Variants in STK39 observed in about 807,000 individuals in gnomAD.
The protein encoded by STK39 is STE20/SPS1-related proline-alanine-rich protein kinase.
STK39 carries 20 observed loss-of-function variants against 77.8 expected under a neutral mutation model. That is an observed-to-expected ratio of 0.26 (90% CI 0.18 to 0.37). The LOEUF (loss-of-function observed/expected upper bound fraction) is 0.37, where lower values mean the gene tolerates loss of function less well. STK39 is among the 10% of genes least tolerant of loss of function. STK39 has a pLI of 1.00. For missense variants in STK39, 479 were observed against 656.5 expected (o/e 0.73, Z 2.95); for synonymous variants, 246 against 234.1 (o/e 1.05, Z -0.47).
intron 16 of STK39, among the ~76,000 whole-genome samples, chr2:167,972,501 G>A (rs1370862261): frequency 2.6e-5 from 4 of 152,064 alleles, no homozygotes; most frequent in Non-Finnish European, 5.9e-5. Context: ...ATGGCGGCCC[G>A]GGTTCAGGGT....
In STK39 at chr2:168,221,369, T is replaced by A. The variant is rs115900196; in HGVS notation, c.208+25859A>T. On this transcript the variant is annotated intron_variant, in intron 1 of 17. Coordinates refer to ENST00000355999, the MANE Select transcript of STK39 (RefSeq NM_013233.3). ...GTCAAAAAACAAATACACACACACTTACATGTATATTCAGTTAGTGTTAGC... is the reference window on the plus strand; with the variant it reads ...GTCAAAAAACAAATACACACACACTAACATGTATATTCAGTTAGTGTTAGC... Among the ~76,000 whole-genome samples, 225 of 149,300 alleles carry A rather than the reference T, an allele frequency of 1.5e-3. 1 individual carries two copies. The highest frequency in any genetic ancestry group is 0.01 in the Middle Eastern group (3 of 294).
At chr2:168,214,266 A>AC (rs397763444) in intron 1 of STK39, among the ~76,000 whole-genome samples, 3 of 150,168 alleles carry the variant, frequency 2.0e-5, no homozygotes, top group Non-Finnish European at 4.4e-5. Flanking sequence ...CAAAAAAAAA[A>AC]CACAAGGTCC....
At position 168,102,643 on chromosome 2, in the gene STK39, T is replaced by A. The variant is rs4668015; in HGVS notation, c.1089+26898A>T. Among the ~76,000 whole-genome samples the A allele has an allele frequency of 1.6e-3, 239 of 152,102 alleles. 1 individual carries two copies. Among genetic ancestry groups the A allele is most frequent in the Admixed American group, 4.1e-3 (63 of 15,280 alleles). ...TGAATTTATACTGTTTAAAAATCTC[T>A]TCTCAGCCAGGTGCGGTGGCTCACG... On this transcript the variant is annotated intron_variant, in intron 10 of 17. Coordinates refer to ENST00000355999, the MANE Select transcript of STK39 (RefSeq NM_013233.3).
At chr2:168,044,715 G>A (rs1213801859) in intron 14 of STK39, among the ~76,000 whole-genome samples, 2 of 152,210 alleles carry the variant, frequency 1.3e-5, no homozygotes, top group East Asian at 1.9e-4. Flanking sequence ...ACCAGTGACA[G>A]CTTTTTGGGA....
At chr2:168,086,164 A>G (rs1686361461) in intron 10 of STK39, among the ~76,000 whole-genome samples, 1 of 152,184 alleles carries the variant, frequency 6.6e-6, no homozygotes. Context: ...GATTTACTGA[A>G]TGTGTTTTCA....
chr2:168,202,390 G>C (rs1258093797), intron 1 of STK39, among the ~76,000 whole-genome samples: 1 of 152,144 alleles, frequency 6.6e-6, no homozygotes, highest in East Asian at 1.9e-4. Flanking sequence ...TGTTAGTACA[G>C]ACACATTCAC....
intron 8 of STK39, among the ~76,000 whole-genome samples, chr2:168,131,174 A>G (rs1687687342): frequency 6.6e-6 from 1 of 152,264 alleles, no homozygotes; most frequent in Admixed American, 6.5e-5. Context: ...CAAATAAAAC[A>G]TAGATATCAC....
chr2:167,969,430 G>A (rs542661988), intron 16 of STK39, among the ~76,000 whole-genome samples: 4 of 152,146 alleles, frequency 2.6e-5, no homozygotes, highest in East Asian at 1.9e-4. Flanking sequence ...GTCTGGCCTC[G>A]GCCAACCGCT....
chr2:167,983,154 T>C (rs1683464935), intron 16 of STK39, among the ~76,000 whole-genome samples: 2 of 152,168 alleles, frequency 1.3e-5, no homozygotes, highest in African/African-American at 4.8e-5. Context: ...ACTCTCATTA[T>C]GGTTAGAAGA....
At chr2:167,974,752 G>C (rs950682653) in intron 16 of STK39, among the ~76,000 whole-genome samples, 3 of 152,130 alleles carry the variant, frequency 2.0e-5, no homozygotes, top group African/African-American at 7.2e-5. Flanking sequence ...CTAGAGTATA[G>C]TGTCTTTTAG....
At chr2:168,213,614 A>G (rs1034010583) in intron 1 of STK39, among the ~76,000 whole-genome samples, 9 of 149,830 alleles carry the variant, frequency 6.0e-5, no homozygotes, top group Non-Finnish European at 7.4e-5. Context: ...TGAGCCCAGG[A>G]GGTGGAGGTT....
chr2:168,077,595 T>C (rs1160531973), intron 10 of STK39, among the ~76,000 whole-genome samples: 2 of 152,162 alleles, frequency 1.3e-5, no homozygotes, highest in Admixed American at 1.3e-4. Flanking sequence ...CAAAAACCTA[T>C]GTAGGGAATA....
At chr2:168,175,966 G>C (rs796459247) in intron 2 of STK39, among the ~76,000 whole-genome samples, 22 of 152,300 alleles carry the variant, frequency 1.4e-4, no homozygotes, top group African/African-American at 5.1e-4. Context: ...ATTCAGTGAA[G>C]TAGGCTTGCA....
At chr2:167,980,217 TGGAA>T (rs570869211) in intron 16 of STK39, among the ~76,000 whole-genome samples, 14 of 152,304 alleles carry the variant, frequency 9.2e-5, no homozygotes, top group African/African-American at 3.4e-4. Flanking sequence ...CAAACACTTA[TGGAA>T]ATAAGCTTCA....
intron 1 of STK39, among the ~76,000 whole-genome samples, chr2:168,230,364 C>G (rs970780795): frequency 6.6e-5 from 10 of 152,148 alleles, no homozygotes; most frequent in African/African-American, 1.9e-4. Context: ...TAGAACACTG[C>G]TGCAGCCAAG....
rs556174564 is a variant in STK39, at chr2:167,961,233, A to G, written c.1563+3429T>C. ...TGTTGCCTTAGTCATACAGCCTCCA[A>G]TTATGCAGAAGCTAAGAACCTCTAA... is the stretch of plus-strand genomic sequence containing the variant. On this transcript the variant is annotated intron_variant, in intron 17 of 17. Transcript: ENST00000355999. Among the ~76,000 whole-genome samples the G allele has an allele frequency of 2.6e-5, 4 of 152,338 alleles. No homozygotes were observed. In the South Asian group the frequency reaches 8.3e-4, roughly 32 times the overall value.
At chr2:168,135,925 G>C (rs1030198573) in intron 8 of STK39, among the ~76,000 whole-genome samples, 5 of 151,208 alleles carry the variant, frequency 3.3e-5, no homozygotes, top group Non-Finnish European at 5.9e-5. Flanking sequence ...TTTTAAGAGA[G>C]TGGTCTCTGA....
chr2:168,196,329 T>C (rs932962462), intron 1 of STK39, among the ~76,000 whole-genome samples: 1 of 152,210 alleles, frequency 6.6e-6, no homozygotes, highest in Non-Finnish European at 1.5e-5. Context: ...TCTGCCTTCC[T>C]AGAGTTTACA....
intron 6 of STK39, 45 bp downstream of exon 6, chr2:168,140,604 G>C (rs199813803): frequency 6.9e-7 from 1 of 1,450,550 alleles, no homozygotes; most frequent in East Asian, 2.3e-5. Context: ...TGATCTGTAC[G>C]ATTGTACTAT....
Sources: allele counts gnomAD v4.1 joint callset (sites outside exome capture counted in the v4.1 genomes callset), GRCh38; gene constraint gnomAD v4.1.1; transcripts MANE v1.5; gene names NCBI Gene and HGNC (gene_info 2026-07-23, HGNC 2026-07-21).